Variants in OVGP1 observed in about 807,000 individuals in gnomAD.
The protein encoded by OVGP1 is oviductal glycoprotein 1, also known as oviduct-specific glycoprotein.
A neutral mutation model predicts 48.2 loss-of-function variants in OVGP1; 26 were observed. The ratio of observed to expected loss-of-function variants is 0.54; its 90% CI spans 0.40 to 0.75. OVGP1 has a LOEUF of 0.75. OVGP1 is among the 30% of genes least tolerant of loss of function. OVGP1 has a pLI of 0.00. For synonymous variants in OVGP1, 294 were observed against 305.7 expected (o/e 0.96, Z 0.40); for missense variants, 791 against 820.6 (o/e 0.96, Z 0.44).
At chr1:111,423,497 A>C in intron 5 of OVGP1, 46 bp downstream of exon 5, 1 of 1,595,770 alleles carries the variant, frequency 6.3e-7, no homozygotes, top group Non-Finnish European at 8.6e-7. Context: ...TAGATATATA[A>C]AAGTAGAATC....
intron 1 of OVGP1, 99 bp downstream of exon 1, chr1:111,427,598 G>T: frequency 7.0e-7 from 1 of 1,421,130 alleles, no homozygotes; most frequent in Non-Finnish European, 9.9e-7. Context: ...AGGCTTCCCT[G>T]AGTCTCAGGC....
At chr1:111,418,726 C>A (rs1158396742) in intron 9 of OVGP1, among the ~76,000 whole-genome samples, 1 of 152,214 alleles carries the variant, frequency 6.6e-6, no homozygotes, top group Non-Finnish European at 1.5e-5. Context: ...ACGCCCAGAG[C>A]TCCCAAAATG....
At chr1:111,420,734 C>T (rs1264884) in intron 8 of OVGP1, among the ~76,000 whole-genome samples, 80,325 of 151,896 alleles carry the variant, frequency 0.53, 22,745 homozygotes, top group East Asian at 0.76. Context: ...TTGGTTGAGA[C>T]GAAGATGAAG....
chr1:111,421,752 T>A, intron 6 of OVGP1, 79 bp from the exon 7 acceptor site: 2 of 876,934 alleles, frequency 2.3e-6, no homozygotes, highest in Non-Finnish European at 3.8e-6. Context: ...ACTGTCTAGC[T>A]AACTAGCTAG....
intron 7 of OVGP1, 28 bp downstream of exon 7, chr1:111,421,537 G>T: frequency 6.2e-7 from 1 of 1,607,494 alleles, no homozygotes; most frequent in Non-Finnish European, 8.5e-7. Flanking sequence ...CAGATGTCTG[G>T]ACCACCTGAG....
At chr1:111,419,588 C>G in intron 9 of OVGP1, 22 bp downstream of exon 9, 1 of 1,362,684 alleles carries the variant, frequency 7.3e-7, no homozygotes, top group Non-Finnish European at 1.1e-6. Context: ...TGTGCTGGAG[C>G]ATGAAAGAGC....
chr1:111,426,160 C>G (rs373924947), intron 3 of OVGP1, among the ~76,000 whole-genome samples: 6 of 152,158 alleles, frequency 3.9e-5, no homozygotes, highest in African/African-American at 1.4e-4. Flanking sequence ...ATCCTCACAA[C>G]TAGGTTCAAA....
In OVGP1 at chr1:111,414,907, C is replaced by G. The variant is rs1316113948; in HGVS notation, c.1594G>C (p.Val532Leu). ...KTLTPVGHQS[V>L]TPVSHQSVSP... is the part of the protein sequence containing the mutation. ...ACAGACTGATGACTCACAGGGGTCA[C>G]AGACTGATGACCCACAGGGGTCAGG... Residue 532 changes from valine (V) to leucine (L), a missense_variant, in exon 11 of 11, where the codon GTG (valine) becomes CTG (leucine). Transcript: ENST00000369732. 2 of 1,456,284 alleles carry G rather than the reference C, an allele frequency of 1.4e-6. No homozygotes were observed. Among genetic ancestry groups the G allele is most frequent in the Admixed American group, 2.0e-5 (1 of 49,340 alleles). 90.2% of individuals were successfully genotyped at this position (1,456,284 alleles called of 1,614,324 possible). A position where few individuals can be genotyped will look rare whatever the true frequency, so the allele number is the denominator to read the frequency against.
intron 3 of OVGP1, 79 bp downstream of exon 3, chr1:111,426,358 A>G: frequency 6.3e-7 from 1 of 1,596,444 alleles, no homozygotes. Flanking sequence ...AGAAAGTTGA[A>G]GAGTAACAGG....
In OVGP1 at chr1:111,426,585, G is replaced by C; in HGVS notation, c.112C>G (p.Pro38Ala). 6.2e-7 allele frequency: 1 copy of C among 1,614,066 alleles called. No individual in the cohort carries two copies. The highest frequency in any genetic ancestry group is 8.5e-7 in the Non-Finnish European group (1 of 1,180,000). ...AGGTCATGGGGCAAGATCGAGGCAG[G>C]GCCTGGCCGACTGTGTGCCCAGTTG... ...FTNWAHSRPG[P>A]ASILPHDLDP... Residue 38 changes from proline to alanine, a missense_variant, in exon 3 of 11, where the codon CCT (proline) becomes GCT (alanine). Coordinates refer to ENST00000369732, the MANE Select transcript of OVGP1 (RefSeq NM_002557.4).
Position 111,421,660 on chromosome 1 carries a change from T to G in OVGP1, c.622A>C (p.Ile208Leu), listed in dbSNP as rs780291463. 3.7e-6 allele frequency: 6 copies of G among 1,607,034 alleles called. No homozygotes were observed. Among genetic ancestry groups the G allele is most frequent in the Non-Finnish European group, 5.1e-6 (6 of 1,173,552 alleles). The change falls in exon 7 of 11, where the codon ATC becomes CTC. Residue 208 changes from isoleucine to leucine, a missense_variant. Ile to Leu is a conservative substitution (Grantham distance 5). Coordinates refer to ENST00000369732, the MANE Select transcript of OVGP1 (RefSeq NM_002557.4). ...VRFLGRLLDF[I>L]NVLSYDLHGS... ...TGTAAGTCATAAGACAAGACATTGA[T>G]GAAATCCAGGAGTCTGTAAGGGGCA...
rs1395308305 is a variant in OVGP1, at chr1:111,415,039, T to C, written c.1462A>G (p.Thr488Ala). Residue 488 changes from threonine (T) to alanine (A), a missense_variant, in exon 11 of 11, where the codon ACC becomes GCC. Transcript: ENST00000369732. ...GGGGTCAGGGCCTTCTCTCCAGGGG[T>C]CATGGACTGATGACCCACAGAAGTC... is the stretch of plus-strand genomic sequence containing the variant. ...TMTSVGHQSMTPGEKALTPVG... is the reference protein window; with the variant it reads ...TMTSVGHQSMAPGEKALTPVG... The C allele has an allele frequency of 1.2e-6, 2 of 1,613,796 alleles. No individual in the cohort carries two copies. The highest frequency in any genetic ancestry group is 1.7e-5 in the Admixed American group (1 of 60,000).
intron 9 of OVGP1, among the ~76,000 whole-genome samples, chr1:111,418,232 C>A (rs986609919): frequency 6.6e-6 from 1 of 152,202 alleles, no homozygotes; most frequent in Non-Finnish European, 1.5e-5. Context: ...CAAAGCAAGA[C>A]CACCCTCTGC....
intron 4 of OVGP1, 137 bp from the exon 5 acceptor site, chr1:111,423,845 T>C (rs1336752637): frequency 1.3e-6 from 1 of 747,448 alleles, no homozygotes; most frequent in East Asian, 2.6e-5. Flanking sequence ...TTTCCAAAAC[T>C]CTCCCACCTT....
At position 111,414,615 on chromosome 1, in the gene OVGP1, T is replaced by A. The variant is rs1557780840; in HGVS notation, c.1886A>T (p.Gln629Leu). The A allele has an allele frequency of 6.2e-7, 1 of 1,614,230 alleles. No individual in the cohort carries two copies. Among genetic ancestry groups the A allele is most frequent in the Non-Finnish European group, 8.5e-7 (1 of 1,180,040 alleles). The stretch of plus-strand genomic sequence containing the variant: ...AGCTAGAGGAGTTTGTTCCGGGAGC[T>A]GGATGACGGGGCTGGAGGACAGCAT... ...RMMLSSSPVI[Q>L]LPEQTPLAFD... Residue 629 changes from glutamine to leucine, a missense_variant, in exon 11 of 11, where the codon CAG (glutamine) becomes CTG (leucine). Coordinates refer to ENST00000369732, the MANE Select transcript of OVGP1 (RefSeq NM_002557.4).
At chr1:111,423,474 C>T in intron 5 of OVGP1, 69 bp downstream of exon 5, 1 of 1,520,054 alleles carries the variant, frequency 6.6e-7, no homozygotes, top group Non-Finnish European at 9.0e-7. Context: ...ATGCTCTTCT[C>T]CTGCCATAAG....
intron 6 of OVGP1, among the ~76,000 whole-genome samples, chr1:111,421,955 C>T (rs1652281852): frequency 6.6e-6 from 1 of 152,214 alleles, no homozygotes; most frequent in African/African-American, 2.4e-5. Flanking sequence ...TAAATGCTAA[C>T]AGGCATCTGC....
chr1:111,426,406 A>G, intron 3 of OVGP1, 31 bp downstream of exon 3: 1 of 1,613,584 alleles, frequency 6.2e-7, no homozygotes, highest in South Asian at 1.1e-5. Flanking sequence ...GAAATCTGAA[A>G]ATACAACCCC....
chr1:111,425,434 CTG>C lies in OVGP1; in HGVS notation c.264_265del (p.Asn88LysfsTer30). 1 of 1,614,164 alleles carries C rather than the reference CTG, an allele frequency of 6.2e-7. No homozygotes were observed. Among genetic ancestry groups the C allele is most frequent in the Non-Finnish European group, 8.5e-7 (1 of 1,180,010 alleles). ...GATGGACAGTAGTGTTTTCAGCTCTCTGTTCCTATGATGTGAGAGAGAGGGTT... is the reference window on the plus strand; with the variant it reads ...GATGGACAGTAGTGTTTTCAGCTCTCTTCCTATGATGTGAGAGAGAGGGTT... On this transcript the variant is annotated frameshift_variant, in exon 4 of 11. Coordinates refer to ENST00000369732, the MANE Select transcript of OVGP1 (RefSeq NM_002557.4). LOFTEE classifies it high-confidence loss of function.
Sources: allele counts gnomAD v4.1 joint callset (sites outside exome capture counted in the v4.1 genomes callset), GRCh38; gene constraint gnomAD v4.1.1; transcripts MANE v1.5; gene names NCBI Gene and HGNC (gene_info 2026-07-23, HGNC 2026-07-21).